MITF: variants seen among roughly 807,000 people sequenced by gnomAD.
MITF encodes the protein microphthalmia-associated transcription factor.
In MITF, 17 loss-of-function variants were observed where a neutral mutation model predicts 60.5. The ratio of observed to expected loss-of-function variants is 0.28; its 90% CI spans 0.19 to 0.42. The LOEUF (loss-of-function observed/expected upper bound fraction) is 0.42. Ranked by LOEUF, MITF falls within the 10% of genes least tolerant of loss-of-function variation. The pLI, the probability that MITF is intolerant of heterozygous loss-of-function variation, is 1.00. For missense variants in MITF, 622 were observed against 683.5 expected, an observed-to-expected ratio of 0.91 and a Z score of 1.00; for synonymous variants, 260 against 248.5, an observed-to-expected ratio of 1.05 and a Z score of -0.43.
intron 1 of MITF, among the ~76,000 whole-genome samples, chr3:69,777,406 T>A (rs2062491957): frequency 6.6e-6 from 1 of 152,194 alleles, no homozygotes; most frequent in African/African-American, 2.4e-5. Flanking sequence ...TTTAAACCTG[T>A]GTGTTGTTTT....
intron 1 of MITF, among the ~76,000 whole-genome samples, chr3:69,833,543 T>C (rs762906220): frequency 2.0e-5 from 3 of 152,064 alleles, no homozygotes; most frequent in Non-Finnish European, 4.4e-5. Context: ...CTGTATGTGA[T>C]TGTTTTTCTA....
intron 2 of MITF, among the ~76,000 whole-genome samples, chr3:69,911,313 G>T (rs1326989478): frequency 6.6e-6 from 1 of 151,990 alleles, no homozygotes; most frequent in Non-Finnish European, 1.5e-5. Flanking sequence ...GCATGAAAAC[G>T]GACCAGTATA....
chr3:69,793,861 A>G (rs2062784752), intron 1 of MITF, among the ~76,000 whole-genome samples: 1 of 152,226 alleles, frequency 6.6e-6, no homozygotes, highest in South Asian at 2.1e-4. Context: ...CACATAGACA[A>G]CAGTGTCCTC....
At chr3:69,779,740 A>G (rs1224218661) in intron 1 of MITF, among the ~76,000 whole-genome samples, 1 of 152,212 alleles carries the variant, frequency 6.6e-6, no homozygotes, top group Admixed American at 6.5e-5. Flanking sequence ...TGATATAATT[A>G]TAGATTAACA....
intron 1 of MITF, chr3:69,752,448 A>G (rs1282555973): frequency 6.6e-6 from 1 of 152,256 alleles, no homozygotes; most frequent in Non-Finnish European, 1.5e-5. Flanking sequence ...TGAGGAACTC[A>G]CTGGGAACTG....
At chr3:69,819,731 G>A (rs1257091193) in intron 1 of MITF, among the ~76,000 whole-genome samples, 1 of 152,130 alleles carries the variant, frequency 6.6e-6, no homozygotes, top group Non-Finnish European at 1.5e-5. Flanking sequence ...GGAGGCTGAG[G>A]CAGGTGGATC....
intron 6 of MITF, 105 bp downstream of exon 6, chr3:69,949,273 G>C (rs545181125): frequency 1.2e-6 from 1 of 861,582 alleles, no homozygotes; most frequent in East Asian, 2.5e-5. Flanking sequence ...ACTCATGGAC[G>C]TAACTTTTAT....
chr3:69,771,915 C>G (rs2062400352), intron 1 of MITF, among the ~76,000 whole-genome samples: 1 of 152,166 alleles, frequency 6.6e-6, no homozygotes, highest in Admixed American at 6.5e-5. Flanking sequence ...AACTTTTCTA[C>G]TTTTCCATTT....
At chr3:69,819,191 T>A (rs532119574) in intron 1 of MITF, among the ~76,000 whole-genome samples, 1 of 152,316 alleles carries the variant, frequency 6.6e-6, no homozygotes, top group African/African-American at 2.4e-5. Flanking sequence ...CAGTGATTCC[T>A]CCAGTGTTAG....
chr3:69,943,925 T>C (rs571488961), intron 5 of MITF, among the ~76,000 whole-genome samples: 17 of 152,200 alleles, frequency 1.1e-4, no homozygotes, highest in African/African-American at 3.9e-4. Flanking sequence ...AATCCGTCTC[T>C]GTAAAAATGT....
Position 69,893,194 on chromosome 3 carries a change from G to A in MITF, c.354+13811G>A, listed in dbSNP as rs573386168. Among the ~76,000 whole-genome samples the A allele has an allele frequency of 2.0e-5, 3 of 152,270 alleles. 1 individual carries two copies. Among genetic ancestry groups the A allele is most frequent in the African/African-American group, 7.2e-5 (3 of 41,560 alleles). On this transcript the variant is annotated intron_variant, in intron 2 of 9. Coordinates refer to ENST00000352241, the MANE Select transcript of MITF (RefSeq NM_001354604.2). ...TCCACCTAGTAAGAGAAGAAAAGGAGAAATCACCATAAGATATCCCCTGAG... is the reference window on the plus strand; with the variant it reads ...TCCACCTAGTAAGAGAAGAAAAGGAAAAATCACCATAAGATATCCCCTGAG...
chr3:69,829,093 G>A (rs977678171), intron 1 of MITF, among the ~76,000 whole-genome samples: 1 of 152,138 alleles, frequency 6.6e-6, no homozygotes, highest in Admixed American at 6.6e-5. Flanking sequence ...AGAGCAATCG[G>A]AAAGAGTAGC....
chr3:69,922,300 C>T (rs1051262042), intron 2 of MITF, among the ~76,000 whole-genome samples: 1 of 152,172 alleles, frequency 6.6e-6, no homozygotes, highest in African/African-American at 2.4e-5. Flanking sequence ...CAGCTCACTG[C>T]AGCCTCTGCC....
chr3:69,753,174 C>G lies in MITF; in HGVS notation c.104+13473C>G, dbSNP rs192293936. Among the ~76,000 whole-genome samples the G allele has an allele frequency of 8.5e-5, 13 of 152,308 alleles. No homozygotes were observed. The East Asian group carries it at 2.5e-3, about 29-fold the overall frequency. On this transcript the variant is annotated intron_variant, in intron 1 of 9. Transcript: ENST00000352241. Reference sequence around the variant, plus strand: ...CACATCCTAGTTGCTCCAGATCCAGCTATGGCTCATAGAGGCCCAGGTTAC... The same window carrying G: ...CACATCCTAGTTGCTCCAGATCCAGGTATGGCTCATAGAGGCCCAGGTTAC...
chr3:69,756,120 G>A (rs757010610), intron 1 of MITF, among the ~76,000 whole-genome samples: 1 of 152,032 alleles, frequency 6.6e-6, no homozygotes, highest in South Asian at 2.1e-4. Context: ...TGGGGTATAT[G>A]TGGCAAGTTT....
intron 1 of MITF, among the ~76,000 whole-genome samples, chr3:69,850,516 T>G (rs1264885444): frequency 6.6e-6 from 1 of 152,142 alleles, no homozygotes; most frequent in African/African-American, 2.4e-5. Context: ...TAAGAACCTT[T>G]TGAAAGGGGC....
At chr3:69,964,080 G>A (rs778810158) in intron 9 of MITF, among the ~76,000 whole-genome samples, 2 of 136,724 alleles carry the variant, frequency 1.5e-5, no homozygotes, top group South Asian at 2.4e-4. Flanking sequence ...AGGTTCAAAC[G>A]ATTCTCCTGC....
chr3:69,961,360 C>T (rs1044888161), intron 9 of MITF, among the ~76,000 whole-genome samples: 24 of 148,676 alleles, frequency 1.6e-4, no homozygotes, highest in African/African-American at 5.5e-4. Flanking sequence ...CCAGCCTAGG[C>T]GACAGAGTGA....
intron 1 of MITF, among the ~76,000 whole-genome samples, chr3:69,807,370 T>C (rs1166667544): frequency 6.6e-6 from 1 of 152,236 alleles, no homozygotes; most frequent in East Asian, 1.9e-4. Context: ...AGTTACAAAA[T>C]AGTTTGCCTA....
Sources: allele counts gnomAD v4.1 joint callset (sites outside exome capture counted in the v4.1 genomes callset), GRCh38; gene constraint gnomAD v4.1.1; transcripts MANE v1.5; gene names NCBI Gene and HGNC (gene_info 2026-07-23, HGNC 2026-07-21).